Variants in MAP3K5 observed in about 807,000 individuals in gnomAD.
MAP3K5 encodes the protein ASK-1.
MAP3K5 carries 56 observed loss-of-function variants against 158.7 expected under a neutral mutation model. The ratio of observed to expected loss-of-function variants is 0.35; its 90% confidence interval spans 0.28 to 0.44. MAP3K5 has a LOEUF of 0.44. MAP3K5 is among the 20% of genes least tolerant of loss of function. The pLI is 1.00. For synonymous variants in MAP3K5, 579 were observed against 601.7 expected, an observed-to-expected ratio of 0.96 and a Z score of 0.55; for missense variants, 1,294 against 1,674.8, an observed-to-expected ratio of 0.77 and a Z score of 3.97.
At chr6:136,615,242 G>A (rs971733803) in intron 15 of MAP3K5, among the ~76,000 whole-genome samples, 3 of 152,158 alleles carry the variant, frequency 2.0e-5, no homozygotes, top group Non-Finnish European at 4.4e-5. Context: ...CAAAATAGGA[G>A]GTCCGCTGGG....
chr6:136,749,506 T>C (rs1171144407), intron 1 of MAP3K5, among the ~76,000 whole-genome samples: 5 of 152,054 alleles, frequency 3.3e-5, no homozygotes, highest in African/African-American at 1.2e-4. Flanking sequence ...TCAGGACCAC[T>C]GTCACACCCA....
rs752587841 is a variant in MAP3K5 at position 136,659,240 on chromosome 6, A to T, written c.1505T>A (p.Phe502Tyr). ...MRVIQASEKL[F>Y]KLKTPAWYLK... ...TTACCATGCTGGTGTCTTCAGTTTA[A>T]AAAGCTTTTCAGATGCTTGAATGAC... Residue 502 changes from phenylalanine to tyrosine, a missense_variant, in exon 9 of 30, where the codon TTT becomes TAT. Physicochemically the swap from Phe to Tyr is conservative, Grantham distance 22 (BLOSUM62 3). Transcript: ENST00000359015. 6.2e-7 allele frequency: 1 copy of T among 1,614,134 alleles called. No individual in the cohort carries two copies. Among genetic ancestry groups the T allele is most frequent in the Non-Finnish European group, 8.5e-7 (1 of 1,180,006 alleles).
chr6:136,726,640 T>C (rs1781980155), intron 1 of MAP3K5, among the ~76,000 whole-genome samples: 1 of 152,152 alleles, frequency 6.6e-6, no homozygotes, highest in African/African-American at 2.4e-5. Flanking sequence ...TAGGCCGTCG[T>C]TTTTTAATTA....
At chr6:136,577,187 G>A (rs1456151609) in intron 25 of MAP3K5, among the ~76,000 whole-genome samples, 1 of 152,142 alleles carries the variant, frequency 6.6e-6, no homozygotes, top group East Asian at 1.9e-4. Context: ...ATTTTTATCA[G>A]GGGCATTTGA....
At chr6:136,650,459 T>C (rs1359092200) in intron 11 of MAP3K5, among the ~76,000 whole-genome samples, 3 of 152,236 alleles carry the variant, frequency 2.0e-5, no homozygotes, top group African/African-American at 4.8e-5. Context: ...TGTTTTAAGA[T>C]CTTTCTCAAA....
At chr6:136,564,532 G>T (rs1050395536) in intron 26 of MAP3K5, among the ~76,000 whole-genome samples, 3 of 152,204 alleles carry the variant, frequency 2.0e-5, no homozygotes, top group African/African-American at 7.2e-5. Context: ...CTGTGTGAAT[G>T]TTTAAGTTGG....
intron 19 of MAP3K5, among the ~76,000 whole-genome samples, chr6:136,604,072 A>G (rs1215983631): frequency 2.0e-5 from 3 of 152,252 alleles, no homozygotes; most frequent in African/African-American, 7.2e-5. Flanking sequence ...CGGTAATCCC[A>G]ACACTTTGGG....
At position 136,697,194 on chromosome 6, in the gene MAP3K5, G is replaced by T. The variant is rs757262098; in HGVS notation, c.975+25C>A. ...TCCCTCCAACATGCTACACAACAAA[G>T]ATTTCACTTTAAACATCTTCTCACC... is the stretch of plus-strand genomic sequence containing the variant. On this transcript the variant is annotated intron_variant, in intron 5 of 29. Transcript: ENST00000359015. The T allele has an allele frequency of 9.4e-6, 15 of 1,595,418 alleles. No homozygotes were observed. In the Admixed American group the frequency reaches 1.5e-4, roughly 16 times the overall value.
At chr6:136,742,282 G>A (rs1356434498) in intron 1 of MAP3K5, among the ~76,000 whole-genome samples, 2 of 152,014 alleles carry the variant, frequency 1.3e-5, no homozygotes, top group African/African-American at 4.8e-5. Flanking sequence ...AAAGACTACA[G>A]AAATAGATCA....
At chr6:136,646,250 G>C (rs560307890) in intron 11 of MAP3K5, among the ~76,000 whole-genome samples, 3 of 152,186 alleles carry the variant, frequency 2.0e-5, no homozygotes, top group African/African-American at 7.2e-5. Flanking sequence ...AATTCCTCCT[G>C]ATCAAAAGAT....
At chr6:136,668,982 A>G (rs1779351088) in intron 8 of MAP3K5, among the ~76,000 whole-genome samples, 1 of 152,202 alleles carries the variant, frequency 6.6e-6, no homozygotes, top group South Asian at 2.1e-4. Context: ...CAGTAACCTT[A>G]TTTAGGAGTT....
intron 11 of MAP3K5, among the ~76,000 whole-genome samples, chr6:136,645,125 G>T (rs185436197): frequency 6.6e-6 from 1 of 151,964 alleles, no homozygotes; most frequent in Admixed American, 6.6e-5. Context: ...AGAGACGGGG[G>T]TCTTGCTACA....
rs909093875 is a variant in MAP3K5 at position 136,593,397 on chromosome 6, T to C, written c.2879-783A>G. 2.6e-5 allele frequency among the ~76,000 whole-genome samples: 4 copies of C among 152,064 alleles called. No individual in the cohort carries two copies. In the South Asian group the frequency reaches 8.3e-4, roughly 32 times the overall value. ...TTTCCAGCAGATGGGGAAGAAAGAG[T>C]AGGAGGATCTCATAGGAAGTTTTTA... is the stretch of plus-strand genomic sequence containing the variant. On this transcript the variant is annotated intron_variant, in intron 21 of 29. Coordinates refer to ENST00000359015, the MANE Select transcript of MAP3K5 (RefSeq NM_005923.4).
At chr6:136,790,249 A>T (rs1785017996) in intron 1 of MAP3K5, among the ~76,000 whole-genome samples, 1 of 152,206 alleles carries the variant, frequency 6.6e-6, no homozygotes, top group Non-Finnish European at 1.5e-5. Flanking sequence ...GTTTCTTTCA[A>T]ATTAGCTTAG....
chr6:136,739,479 G>A (rs946149734), intron 1 of MAP3K5, among the ~76,000 whole-genome samples: 1 of 152,128 alleles, frequency 6.6e-6, no homozygotes, highest in Non-Finnish European at 1.5e-5. Context: ...CCACCCCAGG[G>A]TACTGTCAAT....
At chr6:136,752,086 A>G (rs1331163897) in intron 1 of MAP3K5, among the ~76,000 whole-genome samples, 1 of 152,046 alleles carries the variant, frequency 6.6e-6, no homozygotes, top group Non-Finnish European at 1.5e-5. Flanking sequence ...CTTCATTCCT[A>G]CTTCCATCCC....
chr6:136,714,175 A>C (rs1465262788), intron 2 of MAP3K5, among the ~76,000 whole-genome samples: 2 of 152,242 alleles, frequency 1.3e-5, no homozygotes, highest in Non-Finnish European at 2.9e-5. Flanking sequence ...ACAAAAAGAT[A>C]AAATGTTTTT....
intron 1 of MAP3K5, among the ~76,000 whole-genome samples, chr6:136,791,124 T>C (rs936580323): frequency 3.3e-5 from 5 of 152,226 alleles, no homozygotes; most frequent in African/African-American, 7.2e-5. Context: ...TGTAATGTTA[T>C]TGCCTTTGGA....
Position 136,591,606 on chromosome 6 carries a change from CA to C in MAP3K5, c.3225+566del, listed in dbSNP as rs200710054. 3.7e-3 allele frequency among the ~76,000 whole-genome samples: 566 copies of C among 152,340 alleles called. 14 individuals carry two copies. The highest frequency in any genetic ancestry group is 0.034 in the Admixed American group (520 of 15,300). On this transcript the variant is annotated intron_variant, in intron 23 of 29. Coordinates refer to ENST00000359015, the MANE Select transcript of MAP3K5 (RefSeq NM_005923.4). ...CTTGTTTATGTCAATTAGTCTACGG[CA>C]AAACTGGTTTGGTTATATGTAATTT...
Sources: gnomAD v4.1 joint callset for allele counts (sites outside exome capture counted in the v4.1 genomes callset) on GRCh38, gnomAD v4.1.1 for gene constraint, MANE v1.5 for transcripts, NCBI Gene and HGNC (gene_info 2026-07-23, HGNC 2026-07-21) for gene names.